Variants in NDST4 observed in about 807,000 individuals in gnomAD.
NDST4 encodes N-heparan sulfate sulfotransferase 4.
A neutral mutation model predicts 100.8 loss-of-function variants in NDST4; 63 were observed. The observed-to-expected ratio is 0.62, with a 90% confidence interval of 0.51 to 0.77. The LOEUF is 0.77. Ranked by LOEUF, NDST4 falls within the 30% of genes least tolerant of loss-of-function variation. The probability of loss-of-function intolerance (pLI) is 0.00; values close to 1 mark genes in which losing one functional copy is unlikely to be tolerated. For missense variants in NDST4, 943 were observed against 1,018.4 expected, an observed-to-expected ratio of 0.93 and a Z score of 1.01; for synonymous variants, 377 against 361.8, an observed-to-expected ratio of 1.04 and a Z score of -0.48.
chr4:115,019,676 AC>A (rs1374496423), intron 2 of NDST4, among the ~76,000 whole-genome samples: 2 of 152,156 alleles, frequency 1.3e-5, no homozygotes, highest in South Asian at 4.2e-4. Flanking sequence ...CCCCTCAAAA[AC>A]CCATGTTGCA....
At chr4:114,968,690 C>T (rs79809781) in intron 4 of NDST4, among the ~76,000 whole-genome samples, 2,687 of 152,148 alleles carry the variant, frequency 0.018, 72 homozygotes, top group African/African-American at 0.06. Context: ...TTTTTACATG[C>T]CACAAAATAT....
At position 114,970,410 on chromosome 4, in the gene NDST4, C is replaced by T; in HGVS notation, c.1221+20G>A. On this transcript the variant is annotated intron_variant, in intron 4 of 13. Coordinates refer to ENST00000264363, the MANE Select transcript of NDST4 (RefSeq NM_022569.3). ...ATCACAACTTATAGTTCAAAAGATA[C>T]CACAATAAAATGTGCTCACCAGTGC... 1 of 1,599,974 alleles carries T rather than the reference C, an allele frequency of 6.3e-7. No individual in the cohort carries two copies. Among genetic ancestry groups the T allele is most frequent in the East Asian group, 2.2e-5 (1 of 44,608 alleles).
intron 6 of NDST4, among the ~76,000 whole-genome samples, chr4:114,876,020 T>C (rs946056352): frequency 3.3e-5 from 5 of 152,190 alleles, no homozygotes; most frequent in African/African-American, 1.2e-4. Context: ...GTCCTGTGCC[T>C]TACAGTGCCT....
rs1723382575 is a variant in NDST4, at chr4:114,839,533, C to T, written c.2131G>A (p.Glu711Lys). ...YSWYQHQRSHEDPAALRFNFY... is the reference protein window; with the variant it reads ...YSWYQHQRSHKDPAALRFNFY... ...TTGAACCTCAGAGCAGCTGGATCTT[C>T]ATGTGATCGTTGGTGCTTTAACAAG... Residue 711 changes from glutamate (E) to lysine (K), a missense_variant, in exon 11 of 14, where the codon GAA (glutamate) becomes AAA (lysine). Glu to Lys is a moderately conservative substitution (Grantham distance 56). This residue lies in a region of NDST4 where 526 missense variants were observed against 634.1 expected (regional missense o/e 0.83). Transcript: ENST00000264363. 2 of 1,613,238 alleles carry T rather than the reference C, an allele frequency of 1.2e-6. No homozygotes were observed. The highest frequency in any genetic ancestry group is 1.7e-6 in the Non-Finnish European group (2 of 1,179,650).
At chr4:114,971,378 C>T (rs1422553673) in intron 3 of NDST4, among the ~76,000 whole-genome samples, 1 of 151,684 alleles carries the variant, frequency 6.6e-6, no homozygotes, top group African/African-American at 2.4e-5. Context: ...AAACAAAAAA[C>T]ATTGTTATGC....
intron 6 of NDST4, among the ~76,000 whole-genome samples, chr4:114,878,863 G>T (rs1314640179): frequency 2.0e-5 from 3 of 151,798 alleles, no homozygotes; most frequent in Admixed American, 6.6e-5. Flanking sequence ...TGTAAGCAAA[G>T]CCAGTGTTTC....
chr4:114,909,609 G>A (rs1230098476), intron 6 of NDST4, among the ~76,000 whole-genome samples: 1 of 144,710 alleles, frequency 6.9e-6, no homozygotes, highest in African/African-American at 2.7e-5. Context: ...GCAGTGAGCC[G>A]AGATTGCGCC....
At chr4:114,980,116 A>G (rs1344848673) in intron 2 of NDST4, among the ~76,000 whole-genome samples, 3 of 152,204 alleles carry the variant, frequency 2.0e-5, no homozygotes, top group African/African-American at 7.2e-5. Flanking sequence ...AAATGTCAGA[A>G]GAAATATTAG....
At chr4:114,867,473 C>T (rs975780915) in intron 7 of NDST4, among the ~76,000 whole-genome samples, 1 of 151,688 alleles carries the variant, frequency 6.6e-6, no homozygotes, top group Non-Finnish European at 1.5e-5. Context: ...AGCAGGAATC[C>T]ACATCATGTT....
At chr4:114,898,062 G>T (rs1405677135) in intron 6 of NDST4, among the ~76,000 whole-genome samples, 1 of 152,046 alleles carries the variant, frequency 6.6e-6, no homozygotes, top group Non-Finnish European at 1.5e-5. Flanking sequence ...TTTTAATGGA[G>T]TCCAGCTCAT....
intron 2 of NDST4, among the ~76,000 whole-genome samples, chr4:115,026,012 T>C (rs1198090894): frequency 2.0e-5 from 3 of 152,118 alleles, no homozygotes; most frequent in African/African-American, 7.2e-5. Context: ...ATATTTATGA[T>C]TTTCAATTCA....
intron 2 of NDST4, among the ~76,000 whole-genome samples, chr4:115,052,366 T>A (rs1216849761): frequency 6.6e-6 from 1 of 152,164 alleles, no homozygotes; most frequent in Non-Finnish European, 1.5e-5. Context: ...CAAATTTTCA[T>A]CCTTGTAGTT....
At chr4:115,017,955 A>G (rs529637517) in intron 2 of NDST4, among the ~76,000 whole-genome samples, 1 of 152,036 alleles carries the variant, frequency 6.6e-6, no homozygotes, top group African/African-American at 2.4e-5. Flanking sequence ...TTTAATACAT[A>G]TTGACTATAT....
chr4:114,935,718 G>A (rs1725614610), intron 5 of NDST4, among the ~76,000 whole-genome samples: 1 of 152,092 alleles, frequency 6.6e-6, no homozygotes, highest in Non-Finnish European at 1.5e-5. Flanking sequence ...ATCGAGTCCT[G>A]CATTGTAAAG....
intron 2 of NDST4, among the ~76,000 whole-genome samples, chr4:115,035,486 G>T (rs113821636): frequency 0.013 from 1,916 of 152,044 alleles, 38 homozygotes; most frequent in African/African-American, 0.044. Context: ...AGGTTTTACA[G>T]ACAAGGGGAA....
intron 2 of NDST4, among the ~76,000 whole-genome samples, chr4:115,053,703 T>C (rs920139448): frequency 3.3e-5 from 5 of 152,132 alleles, no homozygotes; most frequent in African/African-American, 1.2e-4. Flanking sequence ...AACATGTTTT[T>C]ACACTGTGCA....
At chr4:114,963,346 T>A (rs1055858499) in intron 4 of NDST4, among the ~76,000 whole-genome samples, 4 of 152,216 alleles carry the variant, frequency 2.6e-5, no homozygotes, top group African/African-American at 4.8e-5. Context: ...CCATGTAATG[T>A]ATGATTCTAC....
intron 1 of NDST4, among the ~76,000 whole-genome samples, chr4:115,077,612 C>T (rs1237906611): frequency 1.3e-5 from 2 of 152,014 alleles, no homozygotes; most frequent in Non-Finnish European, 2.9e-5. Flanking sequence ...ATGTCAGTTA[C>T]CATAAAACTA....
chr4:114,937,802 TG>T (rs1578400686), intron 4 of NDST4, among the ~76,000 whole-genome samples: 1 of 136,990 alleles, frequency 7.3e-6, no homozygotes, highest in East Asian at 2.1e-4. Context: ...TGGATAAATG[TG>T]GGGGGCGGGG....
Sources: gnomAD v4.1 joint callset for allele counts (sites outside exome capture counted in the v4.1 genomes callset) on GRCh38, gnomAD v4.1.1 for gene constraint, gnomAD v4.1.1 regional missense constraint, MANE v1.5 for transcripts, NCBI Gene and HGNC (gene_info 2026-07-23, HGNC 2026-07-21) for gene names.